Variants in NCAM2 observed in about 807,000 individuals in gnomAD.
The protein encoded by NCAM2 is N-CAM-2.
NCAM2 carries 30 observed loss-of-function variants against 98.1 expected under a neutral mutation model. That is an observed-to-expected ratio of 0.31 (90% CI 0.23 to 0.41). The LOEUF (loss-of-function observed/expected upper bound fraction) is 0.41, where lower values mean the gene tolerates loss of function less well. Ranked by LOEUF, NCAM2 falls within the 10% of genes least tolerant of loss-of-function variation. The pLI, the probability that NCAM2 is intolerant of heterozygous loss-of-function variation, is 1.00. For synonymous variants in NCAM2, 368 were observed against 342.4 expected, an observed-to-expected ratio of 1.07 and a Z score of -0.83; for missense variants, 867 against 1,005.8, an observed-to-expected ratio of 0.86 and a Z score of 1.87.
chr21:21,452,378 AG>A (rs1230706996), intron 12 of NCAM2, among the ~76,000 whole-genome samples: 2 of 143,150 alleles, frequency 1.4e-5, no homozygotes, highest in Admixed American at 7.4e-5. Context: ...GGGAGATTTT[AG>A]AATTTTGAAT....
At position 21,210,733 on chromosome 21, in the gene NCAM2, G is replaced by A. The variant is rs964193496; in HGVS notation, c.56-69845G>A. 3 of 983,006 alleles carry A rather than the reference G, an allele frequency of 3.1e-6. No individual in the cohort carries two copies. The African/African-American group carries it at 5.3e-5, about 17-fold the overall frequency. 60.9% of individuals were successfully genotyped at this position (983,006 alleles called of 1,614,324 possible). On this transcript the variant is annotated intron_variant, in intron 1 of 17. Transcript: ENST00000400546. Reference sequence around the variant, plus strand: ...CCCAGGGCTGTAATCTATAAGGAATGTCAAAATGTCATTGAAAGGCAATGA... The same window carrying A: ...CCCAGGGCTGTAATCTATAAGGAATATCAAAATGTCATTGAAAGGCAATGA...
chr21:21,024,148 T>C (rs2146196745), intron 1 of NCAM2, among the ~76,000 whole-genome samples: 1 of 152,366 alleles, frequency 6.6e-6, no homozygotes, highest in African/African-American at 2.4e-5. Context: ...GCGAATGCTA[T>C]TTGATTGTAT....
intron 1 of NCAM2, among the ~76,000 whole-genome samples, chr21:21,265,371 C>A (rs2147384646): frequency 5.0e-5 from 1 of 20,136 alleles, no homozygotes; most frequent in Non-Finnish European, 8.6e-5. Flanking sequence ...ATTATATATA[C>A]ACATACACAT....
chr21:21,511,464 T>C (rs755652489), intron 16 of NCAM2, among the ~76,000 whole-genome samples: 6 of 152,012 alleles, frequency 3.9e-5, no homozygotes, highest in Non-Finnish European at 7.4e-5. Flanking sequence ...TGATTTTCCA[T>C]TGTGTATTTA....
chr21:21,127,252 A>G (rs910392818), intron 1 of NCAM2, among the ~76,000 whole-genome samples: 6 of 151,936 alleles, frequency 3.9e-5, no homozygotes, highest in Non-Finnish European at 8.8e-5. Context: ...GATACATTAC[A>G]TTTCAGTTTT....
At chr21:21,344,381 G>T (rs1447701274) in intron 8 of NCAM2, among the ~76,000 whole-genome samples, 1 of 152,082 alleles carries the variant, frequency 6.6e-6, no homozygotes, top group Non-Finnish European at 1.5e-5. Context: ...TGCCATTTCT[G>T]GACCTGCTGT....
In NCAM2 at chr21:21,363,794, C is replaced by A. The variant is rs554620643; in HGVS notation, c.1045-10069C>A. 4.6e-5 allele frequency among the ~76,000 whole-genome samples: 7 copies of A among 152,080 alleles called. No homozygotes were observed. The South Asian group carries it at 1.5e-3, about 32-fold the overall frequency. On this transcript the variant is annotated intron_variant, in intron 8 of 17. Transcript: ENST00000400546. ...GTTGTTGCAGCATTGTATATTTTATCCCACACTGGGAAGGTGTTTTGATAA... is the reference window on the plus strand; with the variant it reads ...GTTGTTGCAGCATTGTATATTTTATACCACACTGGGAAGGTGTTTTGATAA...
chr21:21,042,067 A>G (rs2064917258), intron 1 of NCAM2, among the ~76,000 whole-genome samples: 1 of 152,218 alleles, frequency 6.6e-6, no homozygotes, highest in Non-Finnish European at 1.5e-5. Flanking sequence ...ACTATAACAC[A>G]TATACAAAGG....
intron 2 of NCAM2, among the ~76,000 whole-genome samples, chr21:21,281,822 A>T (rs1184014648): frequency 1.3e-5 from 2 of 151,846 alleles, no homozygotes; most frequent in African/African-American, 4.8e-5. Context: ...AATTGTCTTG[A>T]GAATGACATG....
chr21:21,271,471 T>C (rs1015383399), intron 1 of NCAM2, among the ~76,000 whole-genome samples: 8 of 152,218 alleles, frequency 5.3e-5, no homozygotes, highest in Non-Finnish European at 1.0e-4. Context: ...TAGCACTAAA[T>C]TATTTTGTGT....
intron 9 of NCAM2, among the ~76,000 whole-genome samples, chr21:21,406,115 T>G (rs532967815): frequency 6.6e-6 from 1 of 152,244 alleles, no homozygotes; most frequent in African/African-American, 2.4e-5. Context: ...CGAGACCTGT[T>G]AAAAACTGTA....
intron 1 of NCAM2, among the ~76,000 whole-genome samples, chr21:21,136,687 C>T (rs574922080): frequency 8.0e-6 from 1 of 124,672 alleles, no homozygotes; most frequent in East Asian, 2.3e-4. Context: ...AGGCTGGTCT[C>T]GAACTCCTGA....
At chr21:21,476,161 T>C (rs1985142324) in intron 14 of NCAM2, among the ~76,000 whole-genome samples, 1 of 152,128 alleles carries the variant, frequency 6.6e-6, no homozygotes, top group Non-Finnish European at 1.5e-5. Context: ...AGCTATGAGG[T>C]TAAAAGACAT....
intron 1 of NCAM2, among the ~76,000 whole-genome samples, chr21:21,099,961 A>G (rs2146483593): frequency 6.6e-6 from 1 of 150,938 alleles, no homozygotes; most frequent in South Asian, 2.1e-4. Context: ...GAATTAAATT[A>G]TGTGTTTGTT....
At chr21:21,195,383 T>C (rs889495012) in intron 1 of NCAM2, among the ~76,000 whole-genome samples, 5 of 152,182 alleles carry the variant, frequency 3.3e-5, no homozygotes, top group African/African-American at 4.8e-5. Flanking sequence ...CATAAAGACC[T>C]AAACAGAAGT....
At chr21:21,230,874 GAC>G (rs1468940498) in intron 1 of NCAM2, among the ~76,000 whole-genome samples, 4 of 151,234 alleles carry the variant, frequency 2.6e-5, no homozygotes, top group Non-Finnish European at 5.9e-5. Flanking sequence ...CAGAACCATG[GAC>G]AGAGTATGCT....
At position 21,177,503 on chromosome 21, in the gene NCAM2, G is replaced by T. The variant is rs530090968; in HGVS notation, c.56-103075G>T. Among the ~76,000 whole-genome samples, 9 of 152,016 alleles carry T rather than the reference G, an allele frequency of 5.9e-5. 1 individual carries two copies. In the South Asian group the frequency reaches 1.9e-3, roughly 32 times the overall value. On this transcript the variant is annotated intron_variant, in intron 1 of 17. Coordinates refer to ENST00000400546, the MANE Select transcript of NCAM2 (RefSeq NM_004540.5). Reference sequence around the variant, plus strand: ...GAAATGCTCACCATTTCCCATGAACGACAACCAATTATAAGTGAATTATAG... The same window carrying T: ...GAAATGCTCACCATTTCCCATGAACTACAACCAATTATAAGTGAATTATAG...
chr21:21,210,338 T>A (rs149154879), intron 1 of NCAM2, among the ~76,000 whole-genome samples: 2 of 152,330 alleles, frequency 1.3e-5, no homozygotes, highest in South Asian at 4.1e-4. Context: ...CCTGATCATT[T>A]GAGGTTCATA....
At chr21:21,438,336 A>T (rs1978698967) in intron 12 of NCAM2, among the ~76,000 whole-genome samples, 1 of 152,086 alleles carries the variant, frequency 6.6e-6, no homozygotes, top group Non-Finnish European at 1.5e-5. Context: ...AGTAGATTCT[A>T]ATCTTAAATA....
Sources: allele counts gnomAD v4.1 joint callset (sites outside exome capture counted in the v4.1 genomes callset), GRCh38; gene constraint gnomAD v4.1.1; transcripts MANE v1.5; gene names NCBI Gene and HGNC (gene_info 2026-07-23, HGNC 2026-07-21).